Variants in MGAT4C observed in about 807,000 individuals in gnomAD.
MGAT4C encodes the protein alpha-1,3-mannosyl-glycoprotein 4-beta-N-acetylglucosaminyltransferase C.
In MGAT4C, 19 loss-of-function variants were observed where a neutral mutation model predicts 40.1. The ratio of observed to expected loss-of-function variants is 0.47; its 90% confidence interval spans 0.33 to 0.70. MGAT4C has a LOEUF of 0.70. MGAT4C is among the 30% of genes least tolerant of loss of function. The pLI, the probability that MGAT4C is intolerant of heterozygous loss-of-function variation, is 0.02. For synonymous variants in MGAT4C, 181 were observed against 187.1 expected, an observed-to-expected ratio of 0.97 and a Z score of 0.27; for missense variants, 491 against 563.2, an observed-to-expected ratio of 0.87 and a Z score of 1.30.
chr12:86,660,433 A>T (rs1346063983), intron 2 of MGAT4C, among the ~76,000 whole-genome samples: 1 of 152,212 alleles, frequency 6.6e-6, no homozygotes, highest in Non-Finnish European at 1.5e-5. Flanking sequence ...CATTTAATTC[A>T]ATACATCAAA....
At chr12:86,012,992 T>C (rs1223733012) in intron 2 of MGAT4C, among the ~76,000 whole-genome samples, 1 of 149,780 alleles carries the variant, frequency 6.7e-6, no homozygotes. Context: ...TTAGCCACGG[T>C]GGCACATGCC....
chr12:86,543,277 A>G (rs1338615044), intron 2 of MGAT4C, among the ~76,000 whole-genome samples: 1 of 151,436 alleles, frequency 6.6e-6, no homozygotes, highest in African/African-American at 2.4e-5. Flanking sequence ...TTACATTAAT[A>G]GTATAATAAT....
At chr12:86,148,280 C>T (rs542327181) in intron 1 of MGAT4C, among the ~76,000 whole-genome samples, 1 of 152,262 alleles carries the variant, frequency 6.6e-6, no homozygotes, top group Admixed American at 6.5e-5. Flanking sequence ...TACGACAAGC[C>T]TCCATGATGC....
At chr12:86,757,537 C>T (rs1470142536) in intron 1 of MGAT4C, among the ~76,000 whole-genome samples, 1 of 151,974 alleles carries the variant, frequency 6.6e-6, no homozygotes, top group African/African-American at 2.4e-5. Flanking sequence ...TCCATTTCTC[C>T]CTGAGATATC....
intron 3 of MGAT4C, among the ~76,000 whole-genome samples, chr12:86,426,128 A>G (rs566422511): frequency 6.6e-6 from 1 of 152,198 alleles, no homozygotes; most frequent in Admixed American, 6.5e-5. Context: ...CAGTCATTCA[A>G]ATAGGCAGTA....
At chr12:86,071,337 G>C (rs1029651517) in intron 1 of MGAT4C, among the ~76,000 whole-genome samples, 1 of 152,054 alleles carries the variant, frequency 6.6e-6, no homozygotes, top group Non-Finnish European at 1.5e-5. Flanking sequence ...GATCAGATAA[G>C]GCAGAAAGAT....
intron 1 of MGAT4C, among the ~76,000 whole-genome samples, chr12:86,191,751 G>GGGGTGT (rs1555243731): frequency 5.1e-5 from 5 of 98,572 alleles, no homozygotes; most frequent in Non-Finnish European, 6.0e-5. Context: ...AGGAGATAAA[G>GGGGTGT]GTGTGTGTGT....
At chr12:86,435,018 T>C (rs1165039763) in intron 3 of MGAT4C, 1 of 151,912 alleles carries the variant, frequency 6.6e-6, no homozygotes, top group Non-Finnish European at 1.5e-5. Flanking sequence ...CAAAGCATAG[T>C]GAAAAAAATA....
At chr12:86,362,378 C>A (rs1566323110) in intron 3 of MGAT4C, among the ~76,000 whole-genome samples, 1 of 151,958 alleles carries the variant, frequency 6.6e-6, no homozygotes, top group African/African-American at 2.4e-5. Context: ...AGGAGAAATA[C>A]CTAATGTAAA....
chr12:85,984,711 G>T (rs998314589), intron 3 of MGAT4C, among the ~76,000 whole-genome samples: 3 of 152,116 alleles, frequency 2.0e-5, no homozygotes, highest in East Asian at 1.9e-4. Context: ...TAATTAGAAA[G>T]AAATATTTCT....
chr12:86,698,236 G>A (rs1233356217), intron 2 of MGAT4C, among the ~76,000 whole-genome samples: 2 of 151,694 alleles, frequency 1.3e-5, no homozygotes, highest in East Asian at 3.9e-4. Context: ...ATATCGTAAA[G>A]GAGTATTAAT....
At chr12:86,382,508 A>C (rs980720454) in intron 3 of MGAT4C, among the ~76,000 whole-genome samples, 12 of 152,210 alleles carry the variant, frequency 7.9e-5, no homozygotes, top group African/African-American at 2.9e-4. Context: ...TTGAGGAAAA[A>C]TTCAAGCTGA....
At chr12:86,364,437 ATTTAAATC>A (rs772932988) in intron 3 of MGAT4C, among the ~76,000 whole-genome samples, 2 of 152,126 alleles carry the variant, frequency 1.3e-5, no homozygotes, top group Non-Finnish European at 2.9e-5. Flanking sequence ...GAGGTCTTAC[ATTTAAATC>A]TTTAATCAAT....
At chr12:86,087,131 A>G (rs997979415) in intron 1 of MGAT4C, among the ~76,000 whole-genome samples, 2 of 152,096 alleles carry the variant, frequency 1.3e-5, no homozygotes, top group African/African-American at 4.8e-5. Context: ...TGCAGTAAAC[A>G]TGAGAGTGCA....
chr12:86,171,537 A>T (rs565948558), intron 1 of MGAT4C, among the ~76,000 whole-genome samples: 1 of 152,316 alleles, frequency 6.6e-6, no homozygotes, highest in South Asian at 2.1e-4. Flanking sequence ...TAAAACAAGC[A>T]TAACAGGAGT....
rs200820210 is a variant in MGAT4C at position 86,435,126 on chromosome 12, C to A, written c.-120+31G>T. ...AAAAGGATTTCTTATCAAACTCTCA[C>A]CATAGCAAAGAAAAAGAAAGCTTCT... On this transcript the variant is annotated intron_variant, in intron 3 of 7. Transcript: ENST00000548651. The A allele has an allele frequency of 2.0e-5, 3 of 152,024 alleles. No individual in the cohort carries two copies. In the East Asian group the frequency reaches 5.8e-4, roughly 29 times the overall value. 9.4% of individuals were successfully genotyped at this position (152,024 alleles called of 1,614,324 possible).
At chr12:86,251,131 GT>G (rs5799770) in intron 1 of MGAT4C, among the ~76,000 whole-genome samples, 29,225 of 137,850 alleles carry the variant, frequency 0.21, 2,895 homozygotes, top group African/African-American at 0.28. Flanking sequence ...TTTATTTCCC[GT>G]TTTTTTTTTT....
intron 2 of MGAT4C, chr12:86,015,707 CA>C (rs767817241): frequency 9.9e-5 from 15 of 152,272 alleles, no homozygotes; most frequent in Non-Finnish European, 2.2e-4. Context: ...CTGTCAACTC[CA>C]ATGGTCCCCT....
At chr12:86,420,010 A>AT (rs11320834) in intron 3 of MGAT4C, among the ~76,000 whole-genome samples, 8 of 151,470 alleles carry the variant, frequency 5.3e-5, no homozygotes, top group Non-Finnish European at 1.5e-5. Flanking sequence ...AAAGACCATA[A>AT]TTTTTTTTTT....
Sources: allele counts gnomAD v4.1 joint callset (sites outside exome capture counted in the v4.1 genomes callset), GRCh38; gene constraint gnomAD v4.1.1; transcripts MANE v1.5; gene names NCBI Gene and HGNC (gene_info 2026-07-23, HGNC 2026-07-21).